GRB2: variants seen among roughly 807,000 people sequenced by gnomAD.
GRB2 encodes growth factor receptor-bound protein 2.
In GRB2, 2 loss-of-function variants were observed where a neutral mutation model predicts 27.4. That is an observed-to-expected ratio of 0.07 (90% CI 0.03 to 0.23). The LOEUF (loss-of-function observed/expected upper bound fraction) is 0.23, where lower values mean the gene tolerates loss of function less well. Among genes scored for constraint, GRB2 ranks in the 10% least tolerant of loss-of-function variants. The probability of loss-of-function intolerance (pLI) is 1.00; values close to 1 mark genes in which losing one functional copy is unlikely to be tolerated. For missense variants in GRB2, 102 were observed against 282.4 expected, an observed-to-expected ratio of 0.36 and a Z score of 4.58; for synonymous variants, 94 against 99.6, an observed-to-expected ratio of 0.94 and a Z score of 0.33.
At chr17:75,393,346 C>T in intron 2 of GRB2, 1 of 588,462 alleles carries the variant, frequency 1.7e-6, no homozygotes, top group Non-Finnish European at 3.0e-6. Flanking sequence ...CACACAAAGG[C>T]AGTTAAACAC....
chr17:75,374,628 C>T (rs2078880331), intron 2 of GRB2, among the ~76,000 whole-genome samples: 1 of 151,272 alleles, frequency 6.6e-6, no homozygotes, highest in South Asian at 2.1e-4. Flanking sequence ...CACACACAAA[C>T]ACACACACTC....
chr17:75,357,681 G>C (rs1311331513), intron 2 of GRB2, among the ~76,000 whole-genome samples: 1 of 152,166 alleles, frequency 6.6e-6, no homozygotes, highest in Non-Finnish European at 1.5e-5. Flanking sequence ...AGCACTTTGG[G>C]AGGCCGAGGA....
At chr17:75,346,983 G>C (rs2078659867) in intron 2 of GRB2, among the ~76,000 whole-genome samples, 1 of 152,062 alleles carries the variant, frequency 6.6e-6, no homozygotes, top group Non-Finnish European at 1.5e-5. Flanking sequence ...GTCAGGTCAG[G>C]GCATTCATTC....
In GRB2 at chr17:75,365,820, G is replaced by A. The variant is rs145053731; in HGVS notation, c.78+27731C>T. 4.2e-3 allele frequency among the ~76,000 whole-genome samples: 646 copies of A among 152,170 alleles called. 5 individuals carry two copies. The highest frequency in any genetic ancestry group is 0.015 in the African/African-American group (608 of 41,528). On this transcript the variant is annotated intron_variant, in intron 2 of 5. Coordinates refer to ENST00000316804, the MANE Select transcript of GRB2 (RefSeq NM_002086.5). ...GGAGCACCAAAAAGATGAACAGAATGGCTAGAGGAATGGACTCACACTCAG... is the reference window on the plus strand; with the variant it reads ...GGAGCACCAAAAAGATGAACAGAATAGCTAGAGGAATGGACTCACACTCAG...
At chr17:75,374,220 T>C (rs1194067410) in intron 2 of GRB2, among the ~76,000 whole-genome samples, 1 of 150,044 alleles carries the variant, frequency 6.7e-6, no homozygotes, top group Non-Finnish European at 1.5e-5. Context: ...AGCCTGGCCA[T>C]TATGGTTAAA....
intron 1 of GRB2, among the ~76,000 whole-genome samples, chr17:75,396,952 G>C (rs1472094412): frequency 6.6e-6 from 1 of 152,196 alleles, no homozygotes; most frequent in Non-Finnish European, 1.5e-5. Flanking sequence ...ATTTAAGACA[G>C]CTGCAATGTT....
chr17:75,332,133 T>C (rs2078545386), intron 3 of GRB2, among the ~76,000 whole-genome samples: 1 of 152,136 alleles, frequency 6.6e-6, no homozygotes, highest in African/African-American at 2.4e-5. Context: ...GGGTCCACTA[T>C]GTTGCGTTAT....
intron 4 of GRB2, among the ~76,000 whole-genome samples, chr17:75,323,443 A>G (rs1464152933): frequency 6.6e-6 from 1 of 152,210 alleles, no homozygotes; most frequent in East Asian, 1.9e-4. Flanking sequence ...CCAGGGCCCC[A>G]ATAATGAGCA....
intron 4 of GRB2, among the ~76,000 whole-genome samples, chr17:75,323,003 C>T (rs2078470887): frequency 6.6e-6 from 1 of 151,660 alleles, no homozygotes; most frequent in South Asian, 2.1e-4. Context: ...CCTGTAGTCA[C>T]AGCTACTCGG....
chr17:75,359,185 A>G (rs1181571582), intron 2 of GRB2, among the ~76,000 whole-genome samples: 1 of 134,936 alleles, frequency 7.4e-6, no homozygotes, highest in Admixed American at 7.6e-5. Flanking sequence ...AAAAAAAAAA[A>G]AGAGGAATAA....
Position 75,376,160 on chromosome 17 carries a change from C to T in GRB2, c.78+17391G>A, listed in dbSNP as rs367709333. 3.4e-4 allele frequency among the ~76,000 whole-genome samples: 51 copies of T among 150,722 alleles called. No homozygotes were observed. The East Asian group carries it at 8.4e-3, about 25-fold the overall frequency. ...GAGTTTGAGACCAGCCTAGGCAACA[C>T]GGTTAAACCCCATCTCTATTGAAAT... On this transcript the variant is annotated intron_variant, in intron 2 of 5. Coordinates refer to ENST00000316804, the MANE Select transcript of GRB2 (RefSeq NM_002086.5).
chr17:75,395,366 G>T (rs2079023153), intron 1 of GRB2, among the ~76,000 whole-genome samples: 1 of 152,166 alleles, frequency 6.6e-6, no homozygotes, highest in African/African-American at 2.4e-5. Flanking sequence ...GGAAAGTAAA[G>T]AAAGAGTCCC....
rs193037492 is a variant in GRB2, at chr17:75,403,159, T to A, written c.-138+2330A>T. Among the ~76,000 whole-genome samples the A allele has an allele frequency of 5.1e-3, 682 of 132,680 alleles. 8 individuals are homozygous for A. Among genetic ancestry groups the A allele is most frequent in the African/African-American group, 0.017 (616 of 36,430 alleles). The allele number at this position is 132,680 out of a possible 152,430, so 87.0% of individuals were successfully genotyped here. A position where few individuals can be genotyped will look rare whatever the true frequency, so the allele number is the denominator to read the frequency against. ...AAGGCAACTTTGACCAAAAAAAATATATATATATATAAATATATATATATA... is the reference window on the plus strand; with the variant it reads ...AAGGCAACTTTGACCAAAAAAAATAAATATATATATAAATATATATATATA... On this transcript the variant is annotated intron_variant, in intron 1 of 5. Coordinates refer to ENST00000316804, the MANE Select transcript of GRB2 (RefSeq NM_002086.5).
intron 2 of GRB2, among the ~76,000 whole-genome samples, chr17:75,370,487 C>T (rs1239282116): frequency 1.3e-5 from 2 of 152,194 alleles, no homozygotes; most frequent in African/African-American, 4.8e-5. Context: ...TGCCAGCCAG[C>T]CCTAGCTGTG....
intron 1 of GRB2, among the ~76,000 whole-genome samples, chr17:75,400,021 G>A (rs893489878): frequency 4.0e-5 from 6 of 151,168 alleles, no homozygotes; most frequent in African/African-American, 1.2e-4. Flanking sequence ...TTTTGAGACA[G>A]GGTCTTGCTC....
At chr17:75,368,415 G>A (rs1310098494) in intron 2 of GRB2, among the ~76,000 whole-genome samples, 1 of 151,822 alleles carries the variant, frequency 6.6e-6, no homozygotes, top group African/African-American at 2.4e-5. Context: ...AAGCAGAGAT[G>A]GGGTTTCACC....
intron 2 of GRB2, among the ~76,000 whole-genome samples, chr17:75,339,351 G>A (rs562456787): frequency 1.2e-4 from 18 of 150,716 alleles, no homozygotes; most frequent in African/African-American, 3.9e-4. Context: ...CCGCCACCAC[G>A]CCCGGCTATT....
chr17:75,391,526 AGG>A (rs1255964865), intron 2 of GRB2, among the ~76,000 whole-genome samples: 2 of 152,178 alleles, frequency 1.3e-5, no homozygotes, highest in African/African-American at 4.8e-5. Flanking sequence ...TTTTAAAAAA[AGG>A]CTGGGTGCAG....
chr17:75,375,054 A>G (rs2078883391), intron 2 of GRB2, among the ~76,000 whole-genome samples: 1 of 151,580 alleles, frequency 6.6e-6, no homozygotes, highest in Admixed American at 6.6e-5. Context: ...TGCCACCACG[A>G]TTGGCTAATT....
Sources: gnomAD v4.1 joint callset for allele counts (sites outside exome capture counted in the v4.1 genomes callset) on GRCh38, gnomAD v4.1.1 for gene constraint, MANE v1.5 for transcripts, NCBI Gene and HGNC (gene_info 2026-07-23, HGNC 2026-07-21) for gene names.